LPIN2: variants seen among roughly 807,000 people sequenced by gnomAD.
LPIN2 encodes lipin 2.
A neutral mutation model predicts 111.4 loss-of-function variants in LPIN2; 55 were observed. The ratio of observed to expected loss-of-function variants is 0.49; its 90% CI spans 0.40 to 0.62. The LOEUF is 0.62. Among genes scored for constraint, LPIN2 ranks in the 20% least tolerant of loss-of-function variants. The pLI, the probability that LPIN2 is intolerant of heterozygous loss-of-function variation, is 0.00. For synonymous variants in LPIN2, 425 were observed against 414.0 expected (o/e 1.03, Z -0.32); for missense variants, 992 against 1,112.1 (o/e 0.89, Z 1.54).
rs559328308 is a variant in LPIN2, at chr18:2,959,288, A to AG, written c.192+1360dup. Among the ~76,000 whole-genome samples the AG allele has an allele frequency of 2.4e-3, 369 of 152,376 alleles. 2 individuals carry two copies. The highest frequency in any genetic ancestry group is 0.024 in the Middle Eastern group (7 of 294). On this transcript the variant is annotated intron_variant, in intron 2 of 19. Coordinates refer to ENST00000677752, the MANE Select transcript of LPIN2 (RefSeq NM_001375808.2). The stretch of plus-strand genomic sequence containing the variant: ...GAGATGTTTTTCCTGGAGGAAAAAA[A>AG]GAAAAAGAATATCTAGTTTTGTGAA...
rs200648652 is a variant in LPIN2 at position 2,920,313 on chromosome 18, C to T, written c.2671G>A (p.Asp891Asn). The T allele has an allele frequency of 5.3e-4, 858 of 1,614,142 alleles. No homozygotes were observed. The highest frequency in any genetic ancestry group is 6.5e-4 in the Non-Finnish European group (771 of 1,180,036). The change falls in exon 20 of 20, where the codon GAC becomes AAC. Residue 891 changes from aspartate (D) to asparagine (N), a missense_variant. Physicochemically the swap from Asp to Asn is conservative, Grantham distance 23. Coordinates refer to ENST00000677752, the MANE Select transcript of LPIN2 (RefSeq NM_001375808.2). ...CYWRDPIPEV[D>N]LDDLS ...CCGCCTCAAGACAGGTCATCCAGGTCCACTTCAGGGATCGGGTCTCGCCAG... is the reference window on the plus strand; with the variant it reads ...CCGCCTCAAGACAGGTCATCCAGGTTCACTTCAGGGATCGGGTCTCGCCAG...
In LPIN2 at chr18:2,920,671, G is replaced by T. The variant is rs866168579; in HGVS notation, c.2546+107C>A. The T allele has an allele frequency of 1.4e-4, 124 of 884,320 alleles. 1 individual carries two copies. The highest frequency in any genetic ancestry group is 6.7e-4 in the South Asian group (49 of 73,608). The allele number at this position is 884,320 out of a possible 1,614,324, so 54.8% of individuals were successfully genotyped here. On this transcript the variant is annotated intron_variant, in intron 19 of 19. Transcript: ENST00000677752. ...ACAGAGGAGATGTAGCTGATCCTTT[G>T]ATCAGGGCCTGATCTCAAGGATCAG...
chr18:2,983,189 T>C (rs111745796), intron 1 of LPIN2, among the ~76,000 whole-genome samples: 1,559 of 152,298 alleles, frequency 0.01, 26 homozygotes, highest in African/African-American at 0.035. Flanking sequence ...AAGCTAATCA[T>C]GTAAGGGAAG....
intron 4 of LPIN2, 47 bp downstream of exon 4, chr18:2,951,008 G>C: frequency 1.9e-6 from 3 of 1,608,100 alleles, no homozygotes; most frequent in Non-Finnish European, 2.6e-6. Flanking sequence ...GGCTTCACAT[G>C]AACTCTAGGT....
Position 2,917,023 on chromosome 18 carries a change from G to GT in LPIN2, c.*3269dup, listed in dbSNP as rs1391712609. 2 of 152,180 alleles carry GT rather than the reference G, an allele frequency of 1.3e-5. No homozygotes were observed. Among genetic ancestry groups the GT allele is most frequent in the East Asian group, 3.8e-4 (2 of 5,204 alleles). 9.4% of individuals were successfully genotyped at this position (152,180 alleles called of 1,614,324 possible). Reference sequence around the variant, plus strand: ...GTTTATGTTATGTTCGTTTATTGTTGTAACATTTTGTTTTGAACATCAAAC... The same window carrying GT: ...GTTTATGTTATGTTCGTTTATTGTTGTTAACATTTTGTTTTGAACATCAAAC... On this transcript the variant is annotated 3_prime_UTR_variant, in exon 20 of 20. Coordinates refer to ENST00000677752, the MANE Select transcript of LPIN2 (RefSeq NM_001375808.2).
intron 4 of LPIN2, chr18:2,950,696 C>T: frequency 3.4e-6 from 1 of 293,078 alleles, no homozygotes; most frequent in Non-Finnish European, 6.5e-6. Flanking sequence ...AAAAACATAC[C>T]AAGCCTAAGG....
intron 7 of LPIN2, 42 bp downstream of exon 7, chr18:2,937,650 C>A (rs538285433): frequency 1.5e-5 from 22 of 1,479,228 alleles, no homozygotes; most frequent in Non-Finnish European, 2.0e-5. Flanking sequence ...AATTTACCAT[C>A]TAATTTGAGA....
chr18:2,960,173 A>AATGT (rs1555678506), intron 2 of LPIN2, among the ~76,000 whole-genome samples: 4 of 76,434 alleles, frequency 5.2e-5, no homozygotes, highest in Non-Finnish European at 1.1e-4. Flanking sequence ...CCGACTCAAA[A>AATGT]ATGTGTGTGT....
rs1472545126 is a variant in LPIN2 at position 2,924,551 on chromosome 18, T to TA, written c.1939-6dup. On this transcript the variant is annotated splice_polypyrimidine_tract_variant and splice_region_variant and intron_variant, in intron 14 of 19. Transcript: ENST00000677752. ...ATCGTGGAGCTTCAGTTTTGCCTTT[T>TA]AAAAAAGCATAAGAATAAAGAAAAT... 1.2e-6 allele frequency: 2 copies of TA among 1,613,910 alleles called. No individual in the cohort carries two copies. Among genetic ancestry groups the TA allele is most frequent in the African/African-American group, 1.3e-5 (1 of 74,914 alleles).
At chr18:3,008,374 G>C (rs61387159) in intron 1 of LPIN2, among the ~76,000 whole-genome samples, 6,796 of 152,258 alleles carry the variant, frequency 0.045, 481 homozygotes, top group African/African-American at 0.15. Context: ...CCCTAGAAGC[G>C]GAGGCTGCAG....
chr18:2,946,471 A>G (rs751753998), intron 4 of LPIN2: 26 of 1,520,702 alleles, frequency 1.7e-5, no homozygotes, highest in Non-Finnish European at 2.3e-5. Flanking sequence ...ATGTGCAAGC[A>G]TCGTCGGAAT....
intron 1 of LPIN2, among the ~76,000 whole-genome samples, chr18:3,005,751 T>C (rs771304956): frequency 2.0e-5 from 3 of 151,230 alleles, no homozygotes; most frequent in Admixed American, 6.6e-5. Context: ...AACGGCCAGG[T>C]GTGGTGGCCC....
rs1459485740 is a variant in LPIN2, at chr18:2,942,289, G to A, written c.591-1577C>T. Among the ~76,000 whole-genome samples, 3 of 152,166 alleles carry A rather than the reference G, an allele frequency of 2.0e-5. No individual in the cohort carries two copies. The South Asian group carries it at 6.2e-4, about 32-fold the overall frequency. On this transcript the variant is annotated intron_variant, in intron 4 of 19. Transcript: ENST00000677752. ...ACATATACCTGAGAAAGACATCTAG[G>A]AAAAAGTACTCTATTTCTCAATAAA...
intron 1 of LPIN2, among the ~76,000 whole-genome samples, chr18:2,969,146 A>C (rs1567843460): frequency 6.6e-6 from 1 of 152,242 alleles, no homozygotes; most frequent in Admixed American, 6.5e-5. Flanking sequence ...TAAAAAATGC[A>C]AATTTCTGAC....
In LPIN2 at chr18:2,970,492, G is replaced by T. The variant is rs560880166; in HGVS notation, c.-9-9643C>A. Among the ~76,000 whole-genome samples, 104 of 152,350 alleles carry T rather than the reference G, an allele frequency of 6.8e-4. 1 individual carries two copies. The South Asian group carries it at 8.9e-3, about 13-fold the overall frequency. On this transcript the variant is annotated intron_variant, in intron 1 of 19. Coordinates refer to ENST00000677752, the MANE Select transcript of LPIN2 (RefSeq NM_001375808.2). ...AACACTGACACCCCAGGTGGCCCTG[G>T]CTCTTGCCCTCTTGGCATCTCTCTG...
At chr18:2,963,285 G>A (rs957660326) in intron 1 of LPIN2, among the ~76,000 whole-genome samples, 8 of 152,144 alleles carry the variant, frequency 5.3e-5, no homozygotes, top group African/African-American at 1.4e-4. Flanking sequence ...GCAGTTGTTC[G>A]TCATAGGCAT....
chr18:2,976,441 T>C (rs1218663607), intron 1 of LPIN2, among the ~76,000 whole-genome samples: 5 of 152,204 alleles, frequency 3.3e-5, no homozygotes, highest in African/African-American at 1.2e-4. Context: ...GCACCTGCTT[T>C]AGAAAGCAAG....
At chr18:3,012,835 G>A (rs956071290) in intron 1 of LPIN2, among the ~76,000 whole-genome samples, 1 of 151,792 alleles carries the variant, frequency 6.6e-6, no homozygotes, top group Non-Finnish European at 1.5e-5. Flanking sequence ...CACCCCGCCG[G>A]TCCGTCCTGC....
intron 4 of LPIN2, among the ~76,000 whole-genome samples, chr18:2,947,974 G>T (rs186786014): frequency 6.6e-6 from 1 of 152,232 alleles, no homozygotes; most frequent in East Asian, 1.9e-4. Flanking sequence ...AGAAACCAAC[G>T]CCCTGAGCGA....
Sources: allele counts gnomAD v4.1 joint callset (sites outside exome capture counted in the v4.1 genomes callset), GRCh38; gene constraint gnomAD v4.1.1; transcripts MANE v1.5; gene names NCBI Gene and HGNC (gene_info 2026-07-23, HGNC 2026-07-21).